Variants in OR14A2 observed in about 807,000 individuals in gnomAD.
The protein encoded by OR14A2 is olfactory receptor family 14 subfamily A member 2, also known as olfactory receptor 14A2.
For synonymous variants in OR14A2, 114 were observed against 58.6 expected, an observed-to-expected ratio of 1.95 and a Z score of -4.32; for missense variants, 237 against 152.9, an observed-to-expected ratio of 1.55 and a Z score of -2.90.
At chr1:247,746,643 C>G in the OR14A2 span, 17 of 152,320 alleles carry the variant, frequency 1.1e-4, no homozygotes, top group African/African-American at 4.1e-4. Context: ...CCCACAGTTC[C>G]AATTTCTCCA....
chr1:247,743,368 A>G, the OR14A2 span, among the ~76,000 whole-genome samples: 1 of 152,008 alleles, frequency 6.6e-6, no homozygotes, highest in South Asian at 2.1e-4. Flanking sequence ...ATCATTTCCT[A>G]TTGAGTGCTG....
chr1:247,723,528 A>G (rs532474560), exon 1 of OR14A2: 1 of 718,026 alleles, frequency 1.4e-6, no homozygotes, highest in Admixed American at 2.0e-5. Flanking sequence ...AAAACTGTGG[A>G]ATCACACTGG....
the OR14A2 span, among the ~76,000 whole-genome samples, chr1:247,730,698 G>C: frequency 6.6e-6 from 1 of 151,968 alleles, no homozygotes; most frequent in African/African-American, 2.4e-5. Flanking sequence ...GGGTTCTCCA[G>C]AGAAACAAAA....
At chr1:247,737,082 C>T in the OR14A2 span, among the ~76,000 whole-genome samples, 1 of 152,162 alleles carries the variant, frequency 6.6e-6, no homozygotes, top group Admixed American at 6.5e-5. Flanking sequence ...CCGGCATGAG[C>T]CACCATGCCT....
upstream of OR14A2, among the ~76,000 whole-genome samples, chr1:247,726,649 G>A (rs1179262354): frequency 5.1e-3 from 756 of 146,910 alleles, 5 homozygotes; most frequent in Middle Eastern, 0.024. Flanking sequence ...TTTCTTCTAG[G>A]GTTTTTATGG....
chr1:247,734,420 G>A, the OR14A2 span, among the ~76,000 whole-genome samples: 1 of 152,096 alleles, frequency 6.6e-6, no homozygotes, highest in Admixed American at 6.6e-5. Flanking sequence ...ATTTTGTCAT[G>A]GCAGCCTAAA....
At chr1:247,727,551 A>G (rs1442377334), upstream of OR14A2, among the ~76,000 whole-genome samples, 2 of 151,376 alleles carry the variant, frequency 1.3e-5, no homozygotes, top group African/African-American at 4.9e-5. Flanking sequence ...AAGCTAGCAG[A>G]AGGTAAGAAA....
At chr1:247,742,733 C>T in the OR14A2 span, among the ~76,000 whole-genome samples, 3 of 151,746 alleles carry the variant, frequency 2.0e-5, no homozygotes, top group African/African-American at 7.3e-5. Flanking sequence ...ATTTAGGAAA[C>T]TAATATGTGG....
At chr1:247,739,038 T>C in the OR14A2 span, 1 of 780,784 alleles carries the variant, frequency 1.3e-6, no homozygotes, top group Non-Finnish European at 2.4e-6. Flanking sequence ...CTGTGTCCAG[T>C]TGATGGCTCT....
At chr1:247,737,449 G>T in the OR14A2 span, among the ~76,000 whole-genome samples, 8 of 152,078 alleles carry the variant, frequency 5.3e-5, no homozygotes, top group Non-Finnish European at 1.2e-4. Context: ...AAAAGCACTG[G>T]CAGTAGCTTT....
chr1:247,734,116 G>A, the OR14A2 span, among the ~76,000 whole-genome samples: 1 of 152,096 alleles, frequency 6.6e-6, no homozygotes, highest in African/African-American at 2.4e-5. Context: ...ACTGTATTTG[G>A]AGAAAAATCC....
At chr1:247,733,895 C>T in the OR14A2 span, among the ~76,000 whole-genome samples, 3 of 152,166 alleles carry the variant, frequency 2.0e-5, no homozygotes, top group East Asian at 1.9e-4. Context: ...TGAGTATCTA[C>T]GTAGACATTT....
At chr1:247,745,521 T>G in the OR14A2 span, among the ~76,000 whole-genome samples, 1 of 152,012 alleles carries the variant, frequency 6.6e-6, no homozygotes, top group Non-Finnish European at 1.5e-5. Context: ...ATCAGTAGAT[T>G]TAACTAGATT....
upstream of OR14A2, among the ~76,000 whole-genome samples, chr1:247,726,306 GT>G (rs1660355273): frequency 7.7e-6 from 1 of 129,300 alleles, no homozygotes; most frequent in Non-Finnish European, 1.6e-5. Flanking sequence ...TTTTTCATGT[GT>G]TTTTTGGCTG....
chr1:247,723,792 T>A, exon 1 of OR14A2: 1 of 718,130 alleles, frequency 1.4e-6, no homozygotes, highest in Non-Finnish European at 2.6e-6. Context: ...TGTTGTGGGT[T>A]AGGTTGTTGA....
At chr1:247,743,156 G>T in the OR14A2 span, among the ~76,000 whole-genome samples, 1 of 152,042 alleles carries the variant, frequency 6.6e-6, no homozygotes, top group Non-Finnish European at 1.5e-5. Flanking sequence ...AAAGTTTAAT[G>T]TTCCACTTCC....
rs1660254618 is a variant in OR14A2 at position 247,723,522 on chromosome 1, CTG to C, written c.520_521del (p.Gln174ValfsTer4). The C allele has an allele frequency of 5.6e-6, 4 of 717,854 alleles. No homozygotes were observed. The highest frequency in any genetic ancestry group is 4.4e-5 in the South Asian group (3 of 67,608). The allele number at this position is 717,854 out of a possible 1,614,324, so 44.5% of individuals were successfully genotyped here. A position where few individuals can be genotyped will look rare whatever the true frequency, so the allele number is the denominator to read the frequency against. On this transcript the variant is annotated frameshift_variant, in exon 1 of 1. Coordinates refer to ENST00000366485, the Ensembl canonical transcript of OR14A2. LOFTEE classifies it low-confidence loss of function (END_TRUNC). ...GTAATGAAGGAACATCACAGAAAAACTGTGGAATCACACTGGAGCCACAGAAA... is the reference window on the plus strand; with the variant it reads ...GTAATGAAGGAACATCACAGAAAAACTGGAATCACACTGGAGCCACAGAAA...
the OR14A2 span, among the ~76,000 whole-genome samples, chr1:247,736,149 GCCTCC>G: frequency 3.7e-5 from 5 of 134,980 alleles, no homozygotes; most frequent in African/African-American, 5.5e-5. Context: ...CTCCATATAG[GCCTCC>G]CCTCCCCTCC....
At chr1:247,745,349 C>T in the OR14A2 span, among the ~76,000 whole-genome samples, 8 of 151,000 alleles carry the variant, frequency 5.3e-5, no homozygotes, top group African/African-American at 1.9e-4. Context: ...TTAAAATACT[C>T]CTGCTGAGTG....
Sources: gnomAD v4.1 joint callset for allele counts (sites outside exome capture counted in the v4.1 genomes callset) on GRCh38, gnomAD v4.1.1 for gene constraint, MANE v1.5 for transcripts, NCBI Gene and HGNC (gene_info 2026-07-23, HGNC 2026-07-21) for gene names.